The following ATAD5 variants were observed in gnomAD, a reference collection of about 807,000 sequenced individuals.
ATAD5 encodes the protein ATPase family AAA domain-containing protein 5.
A neutral mutation model predicts 176.9 loss-of-function variants in ATAD5; 58 were observed. The observed-to-expected ratio is 0.33, with a 90% CI of 0.27 to 0.41. The LOEUF is 0.41. Among genes scored for constraint, ATAD5 ranks in the 10% least tolerant of loss-of-function variants. ATAD5 has a pLI of 1.00. For missense variants in ATAD5, 1,789 were observed against 2,094.1 expected, an observed-to-expected ratio of 0.85 and a Z score of 2.84; for synonymous variants, 640 against 712.6, an observed-to-expected ratio of 0.90 and a Z score of 1.62.
At chr17:30,879,837 C>T (rs1334336695) in intron 18 of ATAD5, among the ~76,000 whole-genome samples, 1 of 150,756 alleles carries the variant, frequency 6.6e-6, no homozygotes, top group Non-Finnish European at 1.5e-5. Flanking sequence ...GCTGGGATTA[C>T]AGGCGTGAGC....
chr17:30,844,843 A>C lies in ATAD5; in HGVS notation c.2377A>C (p.Lys793Gln), dbSNP rs1173096845. ...GTATTTATTTTTCTAAGGAAAAATG[A>C]AAGTCGCTCCTTTATTTCTTGTCAG... ...TSTKNVPGKM[K>Q]VAPLFLVRKA... Residue 793 changes from lysine to glutamine, a missense_variant, in exon 6 of 23, where the codon AAA (lysine) becomes CAA (glutamine). Lys to Gln is a moderately conservative substitution (Grantham distance 53). Around this residue, in one of 6 missense-constraint regions of ATAD5, gnomAD observed 487 missense variants for 573.6 expected, o/e 0.85. Transcript: ENST00000321990. The C allele has an allele frequency of 1.9e-6, 3 of 1,598,432 alleles. No individual in the cohort carries two copies. The African/African-American group carries it at 4.1e-5, about 22-fold the overall frequency.
chr17:30,835,311 A>G lies in ATAD5; in HGVS notation c.1230A>G (p.Pro410=), dbSNP rs1905652143. The change falls in exon 2 of 23, where the codon CCA becomes CCG. Residue 410 remains proline, a synonymous_variant. Coordinates refer to ENST00000321990, the MANE Select transcript of ATAD5 (RefSeq NM_024857.5). ...RQQFMKAFRQ[P]ASDALKNGVK... ...AATTTATGAAAGCATTTAGGCAGCCAGCATCAGATGCACTTAAAAATGGAG... is the reference window on the plus strand; with the variant it reads ...AATTTATGAAAGCATTTAGGCAGCCGGCATCAGATGCACTTAAAAATGGAG... 1.2e-6 allele frequency: 2 copies of G among 1,613,988 alleles called. No individual in the cohort carries two copies. The highest frequency in any genetic ancestry group is 1.7e-6 in the Non-Finnish European group (2 of 1,180,020).
At position 30,868,332 on chromosome 17, in the gene ATAD5, G is replaced by T; in HGVS notation, c.3234-1G>T. On this transcript the variant is annotated splice_acceptor_variant, in intron 11 of 22. Coordinates refer to ENST00000321990, the MANE Select transcript of ATAD5 (RefSeq NM_024857.5). LOFTEE classifies it high-confidence loss of function. ...ATTTTTATTATGTTTTCTTGTGGCAGTTGGTTGAAAGACTGGAAAAGAAGA... is the reference window on the plus strand; with the variant it reads ...ATTTTTATTATGTTTTCTTGTGGCATTTGGTTGAAAGACTGGAAAAGAAGA... 1 of 1,565,710 alleles carries T rather than the reference G, an allele frequency of 6.4e-7. No individual in the cohort carries two copies.
At chr17:30,872,199 G>A (rs1008951402) in intron 14 of ATAD5, among the ~76,000 whole-genome samples, 5 of 152,056 alleles carry the variant, frequency 3.3e-5, no homozygotes, top group African/African-American at 1.2e-4. Flanking sequence ...ACAAGTGTGA[G>A]CCGTCACCAC....
chr17:30,850,899 T>TTTTG (rs1555554669), intron 6 of ATAD5, among the ~76,000 whole-genome samples: 12 of 60,322 alleles, frequency 2.0e-4, no homozygotes, highest in Admixed American at 3.6e-4. Context: ...TTTTTTTTTT[T>TTTTG]TTTGAGATAG....
chr17:30,841,983 A>G (rs1038091180), intron 4 of ATAD5, among the ~76,000 whole-genome samples: 1 of 152,160 alleles, frequency 6.6e-6, no homozygotes, highest in African/African-American at 2.4e-5. Flanking sequence ...AAAAAATAAA[A>G]TAATGGGATG....
intron 16 of ATAD5, 54 bp from the exon 17 acceptor site, chr17:30,877,949 A>G: frequency 8.1e-7 from 1 of 1,236,888 alleles, no homozygotes; most frequent in East Asian, 2.5e-5. Flanking sequence ...TACTATGTAT[A>G]CATAACTGAT....
In ATAD5 at chr17:30,858,245, T is replaced by C. The variant is rs1162897564; in HGVS notation, c.2878T>C (p.Leu960=). The C allele has an allele frequency of 5.6e-6, 9 of 1,599,602 alleles. No homozygotes were observed. The highest frequency in any genetic ancestry group is 7.7e-6 in the Non-Finnish European group (9 of 1,173,384). The part of the protein sequence containing the change: ...EIRWSNPEFS[L]KKYFPLLLKK... ...TAGGTGGTCAAATCCTGAATTTTCA[T>C]TGAAAAAATATTTTCCCTTACTCCT... The change falls in exon 9 of 23, where the codon TTG becomes CTG. Residue 960 remains leucine (L), a synonymous_variant. Coordinates refer to ENST00000321990, the MANE Select transcript of ATAD5 (RefSeq NM_024857.5).
At chr17:30,884,554 G>T (rs1349044165) in intron 18 of ATAD5, among the ~76,000 whole-genome samples, 5 of 146,810 alleles carry the variant, frequency 3.4e-5, no homozygotes, top group African/African-American at 1.3e-4. Flanking sequence ...TCAGCCTCCC[G>T]AGTAGCTGGG....
chr17:30,893,521 G>A lies in ATAD5; in HGVS notation c.4668G>A (p.Gln1556=). 1 of 1,611,920 alleles carries A rather than the reference G, an allele frequency of 6.2e-7. No individual in the cohort carries two copies. The highest frequency in any genetic ancestry group is 8.5e-7 in the Non-Finnish European group (1 of 1,179,442). ...CTAGGAAACACTCTGAAAGAGAACA[G>A]CCATTGAAAAAGTCCCAGAAAAAGA... ...CLARKHSERE[Q]PLKKSQKKKQ... The change falls in exon 21 of 23, where the codon CAG becomes CAA. Residue 1556 remains glutamine (Q), a synonymous_variant. Transcript: ENST00000321990.
At chr17:30,878,718 G>GTT (rs71142005) in intron 17 of ATAD5, among the ~76,000 whole-genome samples, 1,327 of 56,814 alleles carry the variant, frequency 0.023, 358 homozygotes, top group East Asian at 0.04. Context: ...GTTAGGTGGT[G>GTT]TTTTTTTTTT....
rs574939012 is a variant in ATAD5 at position 30,849,202 on chromosome 17, A to T, written c.2450+4286A>T. Among the ~76,000 whole-genome samples, 26 of 152,180 alleles carry T rather than the reference A, an allele frequency of 1.7e-4. 1 individual carries two copies. The South Asian group carries it at 5.4e-3, about 32-fold the overall frequency. ...TTGCTCAGTAGTATTCATTGTATGG[A>T]TATACCACTTTTTGTCTCTCCATAC... On this transcript the variant is annotated intron_variant, in intron 6 of 22. Transcript: ENST00000321990.
chr17:30,884,644 G>A (rs1031118173), intron 18 of ATAD5, among the ~76,000 whole-genome samples: 8 of 150,702 alleles, frequency 5.3e-5, no homozygotes, highest in Admixed American at 2.0e-4. Flanking sequence ...GGCCAGGCTT[G>A]TCTCGAACTC....
intron 3 of ATAD5, 112 bp from the exon 4 acceptor site, chr17:30,840,505 A>G: frequency 1.2e-6 from 1 of 811,888 alleles, no homozygotes; most frequent in Non-Finnish European, 1.8e-6. Context: ...TAAGATTTGA[A>G]TAACCATTTC....
chr17:30,863,733 C>T (rs57775678), intron 10 of ATAD5, among the ~76,000 whole-genome samples: 15,015 of 143,520 alleles, frequency 0.1, 890 homozygotes, highest in South Asian at 0.24. Flanking sequence ...GGCACAATCT[C>T]GGCTCACTGC....
Position 30,894,687 on chromosome 17 carries a change from T to C in ATAD5, c.5421T>C (p.Thr1807=). Residue 1807 remains threonine, a synonymous_variant, in exon 22 of 23, where the codon ACT becomes ACC. Transcript: ENST00000321990. ...CAACCCTTCGAAACATCTGTAAGAC[T>C]GAGAAGCTAAAAGAACAAGGAAAAA... ...YLPTLRNICK[T]EKLKEQGKSK... is the part of the protein sequence containing the mutation. The C allele has an allele frequency of 1.2e-6, 2 of 1,611,434 alleles. No homozygotes were observed. Among genetic ancestry groups the C allele is most frequent in the South Asian group, 1.1e-5 (1 of 90,400 alleles).
chr17:30,840,941 T>G (rs891368441), intron 4 of ATAD5, among the ~76,000 whole-genome samples, 160 bp downstream of exon 4: 2 of 152,234 alleles, frequency 1.3e-5, no homozygotes, highest in African/African-American at 4.8e-5. Context: ...CTTCTGCTTT[T>G]TTTTGTCTGC....
At chr17:30,885,333 A>C (rs986849885) in intron 18 of ATAD5, among the ~76,000 whole-genome samples, 3 of 152,168 alleles carry the variant, frequency 2.0e-5, no homozygotes, top group African/African-American at 7.2e-5. Context: ...AGCATGAGCC[A>C]CCACAACTGT....
At chr17:30,861,865 T>C (rs951033122) in intron 10 of ATAD5, 1 of 151,586 alleles carries the variant, frequency 6.6e-6, no homozygotes, top group Non-Finnish European at 1.5e-5. Flanking sequence ...GCAGCACATA[T>C]ACTAAAATTG....
Sources: gnomAD v4.1 joint callset for allele counts (sites outside exome capture counted in the v4.1 genomes callset) on GRCh38, gnomAD v4.1.1 for gene constraint, gnomAD v4.1.1 regional missense constraint, MANE v1.5 for transcripts, NCBI Gene and HGNC (gene_info 2026-07-23, HGNC 2026-07-21) for gene names.